FAT4: variants seen among roughly 807,000 people sequenced by gnomAD.
FAT4 encodes FAT atypical cadherin 4, also known as protocadherin Fat 4.
A neutral mutation model predicts 303.9 loss-of-function variants in FAT4; 84 were observed. That is an observed-to-expected ratio of 0.28 (90% CI 0.23 to 0.33). FAT4 has a LOEUF of 0.33. Among genes scored for constraint, FAT4 ranks in the 10% least tolerant of loss-of-function variants. The pLI is 1.00. For missense variants in FAT4, 6,005 were observed against 6,146.8 expected, an observed-to-expected ratio of 0.98 and a Z score of 0.77; for synonymous variants, 2,307 against 2,298.8, an observed-to-expected ratio of 1.00 and a Z score of -0.10.
rs185770743 is a variant in FAT4 at position 125,353,606 on chromosome 4, A to C, written c.5175+32020A>C. Among the ~76,000 whole-genome samples the C allele has an allele frequency of 5.1e-3, 768 of 151,764 alleles. 7 individuals are homozygous for C. The highest frequency in any genetic ancestry group is 7.1e-3 in the Non-Finnish European group (480 of 67,696). ...TTAGAGTAAAACAGTGCTGTAGCAGAGCTCACGGTTACATTGATAAACTAT... is the reference window on the plus strand; with the variant it reads ...TTAGAGTAAAACAGTGCTGTAGCAGCGCTCACGGTTACATTGATAAACTAT... On this transcript the variant is annotated intron_variant, in intron 2 of 17. Transcript: ENST00000394329.
chr4:125,379,970 C>T (rs188245102), intron 2 of FAT4, among the ~76,000 whole-genome samples: 9 of 151,996 alleles, frequency 5.9e-5, no homozygotes, highest in East Asian at 1.9e-4. Context: ...CTGGGCTCAC[C>T]GCAACCTCCA....
At chr4:125,459,334 A>G (rs1183827634) in intron 10 of FAT4, among the ~76,000 whole-genome samples, 1 of 152,064 alleles carries the variant, frequency 6.6e-6, no homozygotes, top group African/African-American at 2.4e-5. Flanking sequence ...TGAAAAGACC[A>G]TAGGTGATTA....
chr4:125,441,488 T>C (rs1038475973), intron 8 of FAT4, among the ~76,000 whole-genome samples: 2 of 152,216 alleles, frequency 1.3e-5, no homozygotes, highest in Admixed American at 1.3e-4. Context: ...AATTTCTTTC[T>C]GCATCTAAGG....
intron 2 of FAT4, chr4:125,393,920 T>C (rs753336500): frequency 3.8e-6 from 3 of 779,768 alleles, no homozygotes; most frequent in Non-Finnish European, 7.2e-6. Flanking sequence ...AAAGTCATTC[T>C]TGTGAAGCTA....
rs1412065688 is a variant in FAT4, at chr4:125,490,394, C to T, written c.13578C>T (p.Ile4526=). The T allele has an allele frequency of 6.2e-7, 1 of 1,614,094 alleles. No individual in the cohort carries two copies. The highest frequency in any genetic ancestry group is 1.7e-5 in the Admixed American group (1 of 60,016). Residue 4526 remains isoleucine (I), a synonymous_variant, in exon 18 of 18, where the codon ATC becomes ATT. Coordinates refer to ENST00000394329, the MANE Select transcript of FAT4 (RefSeq NM_001291303.3). The part of the protein sequence containing the change: ...TVLALLVLSL[I]LCNQCRGKKA... The stretch of plus-strand genomic sequence containing the variant: ...TGGCCCTCCTGGTCCTTAGCCTGAT[C>T]CTGTGTAACCAGTGCAGGGGGAAGA...
intron 2 of FAT4, among the ~76,000 whole-genome samples, chr4:125,363,597 G>T (rs903101429): frequency 6.6e-6 from 1 of 151,902 alleles, no homozygotes; most frequent in Non-Finnish European, 1.5e-5. Context: ...CTGGGTTCAA[G>T]CGATTCCCCT....
chr4:125,448,409 ATATTT>A, intron 9 of FAT4, 47 bp from the exon 10 acceptor site: 1 of 1,507,166 alleles, frequency 6.6e-7, no homozygotes, highest in Non-Finnish European at 8.9e-7. Context: ...CTGCTACCAA[ATATTT>A]TATTTAAATT....
In FAT4 at chr4:125,317,939, C is replaced by T; in HGVS notation, c.1528C>T (p.Leu510=). 1.9e-6 allele frequency: 3 copies of T among 1,614,168 alleles called. No individual in the cohort carries two copies. Among genetic ancestry groups the T allele is most frequent in the Middle Eastern group, 1.6e-4 (1 of 6,062 alleles). The change falls in exon 2 of 18, where the codon CTG becomes TTG. Residue 510 remains leucine (L), a synonymous_variant. Transcript: ENST00000394329. The surrounding 1 kb of genome is among the most constrained non-coding windows in gnomAD (Gnocchi z 7.0). Reference sequence around the variant, plus strand: ...TGGCGACTCTGGTCTCAATGCTAATCTGCGTTACAGCATTGTCTCTGGCAA... The same window carrying T: ...TGGCGACTCTGGTCTCAATGCTAATTTGCGTTACAGCATTGTCTCTGGCAA... ...TDGDSGLNAN[L]RYSIVSGNGL...
chr4:125,373,982 A>G (rs1238231347), intron 2 of FAT4, among the ~76,000 whole-genome samples: 3 of 152,342 alleles, frequency 2.0e-5, no homozygotes, highest in East Asian at 3.9e-4. Context: ...AGGATAAATG[A>G]CATATTTGTT....
In FAT4 at chr4:125,479,851, A is replaced by C; in HGVS notation, c.12590A>C (p.Lys4197Thr). 1 of 1,589,976 alleles carries C rather than the reference A, an allele frequency of 6.3e-7. No individual in the cohort carries two copies. Among genetic ancestry groups the C allele is most frequent in the Non-Finnish European group, 8.6e-7 (1 of 1,163,820 alleles). The change falls in exon 15 of 18, where the codon AAA becomes ACA. Residue 4197 changes from lysine to threonine, a missense_variant. By Grantham distance (78) the Lys-to-Thr change is moderately conservative. Coordinates refer to ENST00000394329, the MANE Select transcript of FAT4 (RefSeq NM_001291303.3). ...CATTGCAAAGAGGGACTCACTGGGA[A>C]ATACTGTGAAAAATGTATGTAAGGT... The part of the protein sequence containing the change: ...QCHCKEGLTG[K>T]YCEKSVTPDT...
chr4:125,382,939 T>G (rs893930877), intron 2 of FAT4, among the ~76,000 whole-genome samples: 1 of 152,194 alleles, frequency 6.6e-6, no homozygotes, highest in African/African-American at 2.4e-5. Context: ...CCCTGCTAGC[T>G]TCCAACTTTT....
In FAT4 at chr4:125,490,334, T is replaced by C; in HGVS notation, c.13518T>C (p.Ala4506=). The C allele has an allele frequency of 6.2e-7, 1 of 1,614,170 alleles. No homozygotes were observed. Among genetic ancestry groups the C allele is most frequent in the Non-Finnish European group, 8.5e-7 (1 of 1,180,040 alleles). The change falls in exon 18 of 18, where the codon GCT becomes GCC. Residue 4506 remains alanine, a synonymous_variant. Transcript: ENST00000394329. ...AAGAGATCTCTCTGCCTTTGTGGGC[T>C]GTGCCTGCCATCGTGGGCAGCTGCG... ...GPEEISLPLW[A]VPAIVGSCAT... is the part of the protein sequence containing the mutation.
rs146914959 is a variant in FAT4, at chr4:125,490,196, G to A, written c.13380G>A (p.Thr4460=). The stretch of plus-strand genomic sequence containing the variant: ...CCTGTAGCTGCCCAGACTCGCACAC[G>A]GGAAGGACCTGTGAGATGGTGGTGG... ...GFTCSCPDSH[T]GRTCEMVVAC... is the part of the protein sequence containing the mutation. Residue 4460 remains threonine, a synonymous_variant, in exon 18 of 18, where the codon ACG becomes ACA. Transcript: ENST00000394329. 139 of 1,614,010 alleles carry A rather than the reference G, an allele frequency of 8.6e-5. No individual in the cohort carries two copies. The highest frequency in any genetic ancestry group is 1.1e-4 in the Non-Finnish European group (131 of 1,180,038).
At position 125,452,187 on chromosome 4, in the gene FAT4, A is replaced by G. The variant is rs1177352852; in HGVS notation, c.11177A>G (p.Asp3726Gly). The change falls in exon 10 of 18, where the codon GAC becomes GGC. Residue 3726 changes from aspartate to glycine, a missense_variant. Coordinates refer to ENST00000394329, the MANE Select transcript of FAT4 (RefSeq NM_001291303.3). ...CGTCTCGGCGTACCAACAGTAAAGG[A>G]CTTCTTGACCAACCACTATCTTCAT... ...LLRLGVPTVK[D>G]FLTNHYLHFL... 1 of 1,614,204 alleles carries G rather than the reference A, an allele frequency of 6.2e-7. No homozygotes were observed. Among genetic ancestry groups the G allele is most frequent in the Admixed American group, 1.7e-5 (1 of 60,022 alleles).
chr4:125,335,959 T>C (rs555275846), intron 2 of FAT4, among the ~76,000 whole-genome samples: 3 of 152,224 alleles, frequency 2.0e-5, no homozygotes, highest in Admixed American at 6.5e-5. Flanking sequence ...CTTTTGTTGA[T>C]GCTACATTCA....
intron 3 of FAT4, among the ~76,000 whole-genome samples, chr4:125,403,659 A>G (rs2126016712): frequency 6.6e-6 from 1 of 152,272 alleles, no homozygotes; most frequent in South Asian, 2.1e-4. Context: ...ATCCCTAAAT[A>G]CACCGCAAAT....
rs1185879014 is a variant in FAT4 at position 125,451,133 on chromosome 4, G to A, written c.10123G>A (p.Val3375Ile). The change falls in exon 10 of 18, where the codon GTA (valine) becomes ATA (isoleucine). Residue 3375 changes from valine (V) to isoleucine (I), a missense_variant. Coordinates refer to ENST00000394329, the MANE Select transcript of FAT4 (RefSeq NM_001291303.3). Reference protein sequence around the residue: ...REKEERVSLKVLAKNFGSIRG... With the variant: ...REKEERVSLKILAKNFGSIRG... ...AAAAGAAGAAAGGGTGTCTTTGAAG[G>A]TATTGGCCAAGAACTTTGGCAGCAT... The A allele has an allele frequency of 1.2e-6, 2 of 1,613,998 alleles. No individual in the cohort carries two copies. Among genetic ancestry groups the A allele is most frequent in the African/African-American group, 1.3e-5 (1 of 74,916 alleles).
chr4:125,415,052 G>C lies in FAT4; in HGVS notation c.6089G>C (p.Arg2030Thr). ...GACCTGCCACAGATTCCAGCCTCCA[G>C]ATTCACAAGCACTGCTCAAGTCTCC... is the stretch of plus-strand genomic sequence containing the variant. ...VHDLPQIPAS[R>T]FTSTAQVSII... Residue 2030 changes from arginine to threonine, a missense_variant, in exon 6 of 18, where the codon AGA becomes ACA. By Grantham distance (71) the Arg-to-Thr change is moderately conservative. Transcript: ENST00000394329. 1 of 1,614,036 alleles carries C rather than the reference G, an allele frequency of 6.2e-7. No homozygotes were observed. Among genetic ancestry groups the C allele is most frequent in the Non-Finnish European group, 8.5e-7 (1 of 1,179,970 alleles).
chr4:125,470,626 T>G (rs1419159998), intron 12 of FAT4, among the ~76,000 whole-genome samples: 1 of 152,184 alleles, frequency 6.6e-6, no homozygotes, highest in African/African-American at 2.4e-5. Context: ...TCTGCTACAT[T>G]CCAACTTTTC....
Sources: allele counts gnomAD v4.1 joint callset (sites outside exome capture counted in the v4.1 genomes callset), GRCh38; gene constraint gnomAD v4.1.1; non-coding constraint Gnocchi (gnomAD v3.1); transcripts MANE v1.5; gene names NCBI Gene and HGNC (gene_info 2026-07-23, HGNC 2026-07-21).